The following RERE variants were observed in gnomAD, a reference collection of about 807,000 sequenced individuals.
RERE encodes arginine-glutamic acid dipeptide repeats, also known as arginine-glutamic acid dipeptide repeats protein.
A neutral mutation model predicts 146.1 loss-of-function variants in RERE; 40 were observed. The observed-to-expected ratio is 0.27, with a 90% CI of 0.21 to 0.36. The LOEUF (loss-of-function observed/expected upper bound fraction) is 0.36, where lower values mean the gene tolerates loss of function less well. Ranked by LOEUF, RERE falls within the 10% of genes least tolerant of loss-of-function variation. The probability of loss-of-function intolerance (pLI) is 1.00; values close to 1 mark genes in which losing one functional copy is unlikely to be tolerated. For missense variants in RERE, 1,933 were observed against 2,138.7 expected (o/e 0.90, Z 1.90); for synonymous variants, 1,003 against 866.0 (o/e 1.16, Z -2.78).
intron 4 of RERE, among the ~76,000 whole-genome samples, chr1:8,581,946 A>C (rs548421271): frequency 1.3e-5 from 2 of 152,172 alleles, no homozygotes; most frequent in Admixed American, 6.5e-5. Flanking sequence ...TCTTAAATAT[A>C]TTATTATTTA....
chr1:8,804,948 G>A (rs1641655958), intron 1 of RERE, among the ~76,000 whole-genome samples: 1 of 150,220 alleles, frequency 6.7e-6, no homozygotes, highest in South Asian at 2.1e-4. Flanking sequence ...TAGAGAAAGA[G>A]TACTATATTT....
At chr1:8,720,750 A>G (rs1386526983) in intron 1 of RERE, among the ~76,000 whole-genome samples, 4 of 152,180 alleles carry the variant, frequency 2.6e-5, no homozygotes, top group Non-Finnish European at 4.4e-5. Flanking sequence ...TGAAACATCC[A>G]GGCTCCATTA....
intron 1 of RERE, among the ~76,000 whole-genome samples, chr1:8,767,079 T>C (rs1640863385): frequency 6.6e-6 from 1 of 152,140 alleles, no homozygotes; most frequent in Admixed American, 6.5e-5. Context: ...TCAAGGAAAA[T>C]TGGACTTTAA....
intron 12 of RERE, among the ~76,000 whole-genome samples, chr1:8,376,112 G>C (rs984458128): frequency 2.0e-5 from 3 of 152,170 alleles, no homozygotes; most frequent in African/African-American, 7.2e-5. Context: ...CTGTGCTGCT[G>C]CTCTAAAACG....
rs1644534113 is a variant in RERE at position 8,462,045 on chromosome 1, G to A, written c.1203+3880C>T. On this transcript the variant is annotated intron_variant, in intron 11 of 22. Transcript: ENST00000400908. ...GTTTTTAATTTTTTTGTGGAGACAA[G>A]GTCTTGCTGTGTTGACCAGGCTCCA... 1.3e-5 allele frequency among the ~76,000 whole-genome samples: 2 copies of A among 152,026 alleles called. 1 individual carries two copies. The highest frequency in any genetic ancestry group is 4.2e-4 in the South Asian group (2 of 4,812).
intron 7 of RERE, among the ~76,000 whole-genome samples, chr1:8,528,716 C>T (rs1460378598): frequency 6.6e-6 from 1 of 152,024 alleles, no homozygotes; most frequent in Non-Finnish European, 1.5e-5. Flanking sequence ...ATTCCCCCTC[C>T]CCCACCAAAA....
chr1:8,722,643 T>C (rs1408006258), intron 1 of RERE, among the ~76,000 whole-genome samples: 2 of 152,192 alleles, frequency 1.3e-5, no homozygotes, highest in Non-Finnish European at 2.9e-5. Flanking sequence ...TAAACATGTA[T>C]AGAATTTTTT....
intron 4 of RERE, among the ~76,000 whole-genome samples, chr1:8,609,680 A>C (rs190517261): frequency 6.6e-6 from 1 of 152,244 alleles, no homozygotes; most frequent in Non-Finnish European, 1.5e-5. Flanking sequence ...CTAAGCAACA[A>C]GTAGGTAACA....
chr1:8,709,576 GTTGA>G (rs1274006655), intron 1 of RERE, among the ~76,000 whole-genome samples: 11 of 152,154 alleles, frequency 7.2e-5, no homozygotes, highest in Non-Finnish European at 1.2e-4. Context: ...GGGTTCACTT[GTTGA>G]TTTTTTGTCA....
chr1:8,357,599 A>G (rs1490686197), intron 20 of RERE, among the ~76,000 whole-genome samples: 2 of 152,238 alleles, frequency 1.3e-5, no homozygotes, highest in African/African-American at 2.4e-5. Context: ...ACCAGGCTGC[A>G]GAGGGAGTGA....
At chr1:8,479,678 C>T (rs968348020) in intron 10 of RERE, among the ~76,000 whole-genome samples, 5 of 152,124 alleles carry the variant, frequency 3.3e-5, no homozygotes, top group Admixed American at 2.0e-4. Flanking sequence ...CTACAAGAGG[C>T]GAAGAGTGGG....
chr1:8,366,904 GAAAAAAAAAAAC>G (rs1343714466), intron 12 of RERE, among the ~76,000 whole-genome samples: 1 of 25,530 alleles, frequency 3.9e-5, no homozygotes, highest in Admixed American at 6.2e-4. Flanking sequence ...ACCTAGAACT[GAAAAAAAAAAAC>G]AAAAAAAAAA....
At position 8,789,196 on chromosome 1, in the gene RERE, G is replaced by A. The variant is rs1197149634; in HGVS notation, c.-145+27964C>T. On this transcript the variant is annotated intron_variant, in intron 1 of 22. Transcript: ENST00000400908. ...ACAGTGGCTCACACCTGTAATCCCA[G>A]CATTTGGGGAAGCCGATGGGGGAGG... 1.4e-4 allele frequency among the ~76,000 whole-genome samples: 21 copies of A among 147,240 alleles called. No homozygotes were observed. The East Asian group carries it at 4.0e-3, about 28-fold the overall frequency.
At chr1:8,492,368 A>C (rs1347145153) in intron 10 of RERE, among the ~76,000 whole-genome samples, 23 of 152,244 alleles carry the variant, frequency 1.5e-4, no homozygotes, top group Admixed American at 1.4e-3. Context: ...AGTGCCAAAA[A>C]TAGACATTTA....
chr1:8,645,761 A>G (rs897324935), intron 2 of RERE, among the ~76,000 whole-genome samples: 4 of 152,194 alleles, frequency 2.6e-5, no homozygotes, highest in African/African-American at 7.2e-5. Flanking sequence ...ATCACTTCCC[A>G]TTTCTCTAAT....
chr1:8,749,668 G>A (rs56261561), intron 1 of RERE, among the ~76,000 whole-genome samples: 3,974 of 152,274 alleles, frequency 0.026, 165 homozygotes, highest in African/African-American at 0.09. Context: ...TGATGCTAAG[G>A]GAGCAAGTGG....
At chr1:8,644,615 G>C (rs1244248248) in intron 2 of RERE, among the ~76,000 whole-genome samples, 1 of 152,172 alleles carries the variant, frequency 6.6e-6, no homozygotes, top group African/African-American at 2.4e-5. Context: ...TCAAAATCCA[G>C]TAATCACCAT....
chr1:8,373,918 C>G (rs905749565), intron 12 of RERE, among the ~76,000 whole-genome samples: 1 of 152,204 alleles, frequency 6.6e-6, no homozygotes, highest in African/African-American at 2.4e-5. Context: ...AATTAAAGCA[C>G]TGTTCTCCTG....
rs1440257220 is a variant in RERE, at chr1:8,817,385, C to CT, written c.-371dup. 2.0e-5 allele frequency: 3 copies of CT among 151,846 alleles called. No homozygotes were observed. Among genetic ancestry groups the CT allele is most frequent in the African/African-American group, 7.3e-5 (3 of 41,320 alleles). 9.4% of individuals were successfully genotyped at this position (151,846 alleles called of 1,614,324 possible). A position where few individuals can be genotyped will look rare whatever the true frequency, so the allele number is the denominator to read the frequency against. ...CTCCCTCCTCCTCGGTCGGGCAGAT[C>CT]TTTCAGAAGCAGGAGCCCAGGATCA... On this transcript the variant is annotated 5_prime_UTR_variant, in exon 1 of 23. Transcript: ENST00000400908.
Sources: allele counts gnomAD v4.1 joint callset (sites outside exome capture counted in the v4.1 genomes callset), GRCh38; gene constraint gnomAD v4.1.1; transcripts MANE v1.5; gene names NCBI Gene and HGNC (gene_info 2026-07-23, HGNC 2026-07-21).